MOSMO: variants seen among roughly 807,000 people sequenced by gnomAD.
MOSMO encodes the protein modulator of smoothened.
Under a neutral mutation model 18.4 loss-of-function variants are expected in MOSMO, and 5 were observed. The ratio of observed to expected loss-of-function variants is 0.27; its 90% CI spans 0.14 to 0.57. The LOEUF is 0.57. Among genes scored for constraint, MOSMO ranks in the 20% least tolerant of loss-of-function variants. MOSMO has a pLI of 0.92. For missense variants in MOSMO, 138 were observed against 211.8 expected, an observed-to-expected ratio of 0.65 and a Z score of 2.16; for synonymous variants, 82 against 82.3, an observed-to-expected ratio of 1.00 and a Z score of 0.02.
downstream of MOSMO, among the ~76,000 whole-genome samples, chr16:22,090,586 GGAAA>G (rs749537748): frequency 2.8e-4 from 43 of 152,108 alleles, no homozygotes; most frequent in African/African-American, 3.4e-4. Context: ...TTGAAATGGG[GGAAA>G]GAAAGAAAAC....
intron 1 of MOSMO, among the ~76,000 whole-genome samples, chr16:22,019,333 G>C (rs1337246269): frequency 6.6e-6 from 1 of 151,934 alleles, no homozygotes; most frequent in Non-Finnish European, 1.5e-5. Context: ...TAATTCTTTG[G>C]TCCTCTCACT....
intron 2 of MOSMO, among the ~76,000 whole-genome samples, chr16:22,079,575 C>A (rs1323633747): frequency 6.6e-6 from 1 of 152,124 alleles, no homozygotes; most frequent in East Asian, 1.9e-4. Flanking sequence ...AACATTTTAA[C>A]AAATAATATA....
intron 1 of MOSMO, among the ~76,000 whole-genome samples, chr16:22,033,470 C>T (rs1469879137): frequency 6.6e-6 from 1 of 151,864 alleles, no homozygotes; most frequent in Non-Finnish European, 1.5e-5. Context: ...TCACTGCAAC[C>T]TCGGCCTCCT....
At chr16:22,027,717 A>G (rs1899904631) in intron 1 of MOSMO, among the ~76,000 whole-genome samples, 1 of 152,234 alleles carries the variant, frequency 6.6e-6, no homozygotes, top group African/African-American at 2.4e-5. Flanking sequence ...TTTCTGAACC[A>G]AAACACTGAA....
At chr16:22,037,020 A>G (rs1175582047) in intron 1 of MOSMO, among the ~76,000 whole-genome samples, 1 of 152,130 alleles carries the variant, frequency 6.6e-6, no homozygotes, top group East Asian at 1.9e-4. Flanking sequence ...TTTTCCAGGG[A>G]GAGTAAGAAG....
chr16:22,056,365 C>CTTTTTTTTT (rs35642716), intron 1 of MOSMO, among the ~76,000 whole-genome samples: 11 of 54,626 alleles, frequency 2.0e-4, no homozygotes, highest in South Asian at 1.1e-3. Context: ...TTCTTTCTTT[C>CTTTTTTTTT]TTTTTTTTTT....
intron 1 of MOSMO, among the ~76,000 whole-genome samples, chr16:22,052,951 CTTTT>C (rs1198266671): frequency 8.1e-6 from 1 of 124,108 alleles, no homozygotes; most frequent in Non-Finnish European, 1.7e-5. Context: ...CTCTCATCTT[CTTTT>C]TTTTTTTTTT....
chr16:22,091,981 T>A (rs1215987587), downstream of MOSMO, among the ~76,000 whole-genome samples: 1 of 152,178 alleles, frequency 6.6e-6, no homozygotes, highest in Non-Finnish European at 1.5e-5. Flanking sequence ...ATCTCCTGAA[T>A]GGGAATGTTT....
At chr16:22,022,084 CA>C (rs1017107463) in intron 1 of MOSMO, among the ~76,000 whole-genome samples, 3 of 152,048 alleles carry the variant, frequency 2.0e-5, no homozygotes, top group African/African-American at 7.2e-5. Flanking sequence ...GGAACATAAA[CA>C]TTGCAGTTGA....
chr16:22,080,864 T>C lies in MOSMO; in HGVS notation c.488T>C (p.Val163Ala). 7.1e-7 allele frequency: 1 copy of C among 1,404,122 alleles called. No individual in the cohort carries two copies. The highest frequency in any genetic ancestry group is 9.3e-7 in the Non-Finnish European group (1 of 1,079,224). The allele number at this position is 1,404,122 out of a possible 1,614,324, so 87.0% of individuals were successfully genotyped here. The change falls in exon 3 of 3, where the codon GTT becomes GCT. Residue 163 changes from valine to alanine, a missense_variant. Val to Ala is a moderately conservative substitution (Grantham distance 64, BLOSUM62 0). Transcript: ENST00000542527. The part of the protein sequence containing the change: ...TIVGLLFAGK[V>A]CLPG ...GTAGGACTTCTATTTGCTGGCAAAG[T>C]TTGTTTACCAGGCTGATGAATGTCT...
At chr16:22,073,818 G>A (rs1049939682) in intron 1 of MOSMO, among the ~76,000 whole-genome samples, 3 of 151,666 alleles carry the variant, frequency 2.0e-5, no homozygotes, top group African/African-American at 4.9e-5. Flanking sequence ...CTTTCTGTCC[G>A]GTCTGCCTTC....
chr16:22,056,328 C>G (rs375387593), intron 1 of MOSMO, among the ~76,000 whole-genome samples: 3 of 144,608 alleles, frequency 2.1e-5, no homozygotes, highest in African/African-American at 7.6e-5. Context: ...CTTCAAGTTT[C>G]TCTTGTCGCT....
chr16:22,090,020 T>C (rs1901267210), downstream of MOSMO: 1 of 152,176 alleles, frequency 6.6e-6, no homozygotes, highest in Non-Finnish European at 1.5e-5. Flanking sequence ...GTTCCTTTCC[T>C]ACCTTCGGGC....
chr16:22,029,035 C>G (rs989174615), intron 1 of MOSMO, among the ~76,000 whole-genome samples: 1 of 152,082 alleles, frequency 6.6e-6, no homozygotes, highest in South Asian at 2.1e-4. Flanking sequence ...CCATGCCCGG[C>G]TAATTTTTGT....
intron 1 of MOSMO, among the ~76,000 whole-genome samples, chr16:22,009,916 G>C (rs1372200671): frequency 1.3e-5 from 2 of 151,392 alleles, no homozygotes; most frequent in Non-Finnish European, 2.9e-5. Flanking sequence ...GCTTGAACCC[G>C]GGAGGCAGAG....
At chr16:22,051,338 A>G (rs1900422110) in intron 1 of MOSMO, among the ~76,000 whole-genome samples, 1 of 151,528 alleles carries the variant, frequency 6.6e-6, no homozygotes, top group African/African-American at 2.4e-5. Flanking sequence ...CAGTGAGCCA[A>G]GATGGTGCCT....
rs1272429804 is a variant in MOSMO at position 22,031,242 on chromosome 16, AG to A, written c.106+22836del. Among the ~76,000 whole-genome samples the A allele has an allele frequency of 3.3e-5, 5 of 152,322 alleles. No homozygotes were observed. The East Asian group carries it at 9.6e-4, about 29-fold the overall frequency. Reference sequence around the variant, plus strand: ...ATATATTACATGTAGGGGTCCTGGAAGCTCAGTGTAACAGGAGGAGTTTGAG... The same window carrying A: ...ATATATTACATGTAGGGGTCCTGGAACTCAGTGTAACAGGAGGAGTTTGAG... On this transcript the variant is annotated intron_variant, in intron 1 of 2. Coordinates refer to ENST00000542527, the MANE Select transcript of MOSMO (RefSeq NM_001164579.2).
chr16:22,072,212 T>C (rs1900868398), intron 1 of MOSMO, among the ~76,000 whole-genome samples: 3 of 152,174 alleles, frequency 2.0e-5, no homozygotes, highest in Admixed American at 2.0e-4. Context: ...TGAGGTAAAA[T>C]ATTAAATTTG....
chr16:22,082,303 A>G lies in MOSMO; in HGVS notation c.*1423A>G, dbSNP rs1383272616. On this transcript the variant is annotated 3_prime_UTR_variant, in exon 3 of 3. Transcript: ENST00000542527. ...CCACAGCTTTAAGTTCTTCCCTAAAAGAAGCATTGCAGCTAACCCTTGAAC... is the reference window on the plus strand; with the variant it reads ...CCACAGCTTTAAGTTCTTCCCTAAAGGAAGCATTGCAGCTAACCCTTGAAC... 1 of 152,224 alleles carries G rather than the reference A, an allele frequency of 6.6e-6. No individual in the cohort carries two copies. Among genetic ancestry groups the G allele is most frequent in the Non-Finnish European group, 1.5e-5 (1 of 68,032 alleles). The allele number at this position is 152,224 out of a possible 1,614,324, so 9.4% of individuals were successfully genotyped here.
Sources: gnomAD v4.1 joint callset for allele counts (sites outside exome capture counted in the v4.1 genomes callset) on GRCh38, gnomAD v4.1.1 for gene constraint, MANE v1.5 for transcripts, NCBI Gene and HGNC (gene_info 2026-07-23, HGNC 2026-07-21) for gene names.